TMPRSS7: variants seen among roughly 807,000 people sequenced by gnomAD.
TMPRSS7 encodes transmembrane serine protease 7, also known as transmembrane protease serine 7.
Under a neutral mutation model 95.6 loss-of-function variants are expected in TMPRSS7, and 81 were observed. The observed-to-expected ratio is 0.85, with a 90% CI of 0.71 to 1.02. The LOEUF (loss-of-function observed/expected upper bound fraction) is 1.02. Ranked by LOEUF, TMPRSS7 falls within the 50% of genes least tolerant of loss-of-function variation. The pLI is 0.00. For missense variants in TMPRSS7, 945 were observed against 955.2 expected, an observed-to-expected ratio of 0.99 and a Z score of 0.14; for synonymous variants, 364 against 337.8, an observed-to-expected ratio of 1.08 and a Z score of -0.85.
At chr3:112,053,248 C>T (rs961609438) in intron 9 of TMPRSS7, among the ~76,000 whole-genome samples, 68 of 151,462 alleles carry the variant, frequency 4.5e-4, no homozygotes, top group African/African-American at 1.5e-3. Context: ...AAGTTTTTTA[C>T]ACAAAAGTTA....
intron 11 of TMPRSS7, 90 bp from the exon 12 acceptor site, chr3:112,063,435 C>G (rs1210070560): frequency 2.1e-6 from 2 of 947,514 alleles, no homozygotes; most frequent in Non-Finnish European, 3.4e-6. Context: ...AACTCCCTAA[C>G]CACTTCACAC....
intron 14 of TMPRSS7, among the ~76,000 whole-genome samples, chr3:112,074,833 C>G (rs545918390): frequency 1.3e-5 from 2 of 152,206 alleles, no homozygotes; most frequent in African/African-American, 4.8e-5. Flanking sequence ...CATGTGGCTA[C>G]TACTTGGCCA....
intron 16 of TMPRSS7, among the ~76,000 whole-genome samples, chr3:112,077,724 C>T (rs80342712): frequency 3.9e-5 from 6 of 151,924 alleles, no homozygotes; most frequent in East Asian, 1.9e-4. Flanking sequence ...ATTTCTCTGA[C>T]GGGAGAGGAC....
chr3:112,047,924 A>C (rs1033695237), exon 7 of TMPRSS7: 54 of 1,613,922 alleles, frequency 3.3e-5, no homozygotes, highest in Non-Finnish European at 4.3e-5. Context: ...CTCCCTGACC[A>C]TTTACGACTC....
At position 112,075,351 on chromosome 3, in the gene TMPRSS7, G is replaced by A. The variant is rs142998665; in HGVS notation, c.1814G>A (p.Arg605His). The change falls in exon 15 of 18, where the codon CGC becomes CAC. Residue 605 changes from arginine (R) to histidine (H), a missense_variant. Physicochemically the swap from Arg to His is conservative, Grantham distance 29. Coordinates refer to ENST00000452346, the Ensembl canonical transcript of TMPRSS7. ...AGCAGGAGTTCCTCCGCCCTTCACC[G>A]CATCATCGGAGGCACAGACACCCTG... 145 of 1,455,022 alleles carry A rather than the reference G, an allele frequency of 1.0e-4. No homozygotes were observed. In the East Asian group the frequency reaches 2.8e-3, roughly 28 times the overall value. The allele number at this position is 1,455,022 out of a possible 1,614,324, so 90.1% of individuals were successfully genotyped here. A position where few individuals can be genotyped will look rare whatever the true frequency, so the allele number is the denominator to read the frequency against.
intron 9 of TMPRSS7, among the ~76,000 whole-genome samples, chr3:112,052,811 C>A (rs1301661043): frequency 1.3e-5 from 2 of 151,938 alleles, no homozygotes; most frequent in African/African-American, 4.8e-5. Flanking sequence ...CTTAATAATC[C>A]ATAGCCTTAA....
intron 9 of TMPRSS7, among the ~76,000 whole-genome samples, chr3:112,051,512 G>A (rs1040064905): frequency 2.1e-5 from 3 of 141,512 alleles, no homozygotes; most frequent in Non-Finnish European, 4.6e-5. Flanking sequence ...AAATGTATAC[G>A]AAATATCTAT....
chr3:112,065,543 G>A (rs186168194), intron 12 of TMPRSS7, among the ~76,000 whole-genome samples: 19 of 152,142 alleles, frequency 1.2e-4, no homozygotes, highest in Admixed American at 1.1e-3. Flanking sequence ...AATAAGGACT[G>A]TTTTTTGGTA....
At chr3:112,063,632 G>T in exon 12 of TMPRSS7, 1 of 1,612,892 alleles carries the variant, frequency 6.2e-7, no homozygotes, top group Non-Finnish European at 8.5e-7. Context: ...ACTGTTTTGC[G>T]GTGGGTATTC....
chr3:112,070,790 T>A (rs902274361), intron 13 of TMPRSS7, among the ~76,000 whole-genome samples: 2 of 152,156 alleles, frequency 1.3e-5, no homozygotes, highest in East Asian at 3.9e-4. Flanking sequence ...TTATTATTAT[T>A]ATTATACTTT....
At position 112,052,924 on chromosome 3, in the gene TMPRSS7, GA is replaced by G. The variant is rs61299463; in HGVS notation, c.1203+2154del. ...GGGGTTGGGGGTGAGAAATGCTGAA[GA>G]AAAAAAAAAAAAGTCTTTAGAAGGA... On this transcript the variant is annotated intron_variant, in intron 9 of 17. Transcript: ENST00000452346. 1.5e-3 allele frequency among the ~76,000 whole-genome samples: 213 copies of G among 139,050 alleles called. 2 individuals are homozygous for G. The highest frequency in any genetic ancestry group is 5.9e-3 in the East Asian group (28 of 4,756). 91.2% of individuals were successfully genotyped at this position (139,050 alleles called of 152,430 possible).
At chr3:112,079,243 T>C (rs994102257) in intron 17 of TMPRSS7, among the ~76,000 whole-genome samples, 1 of 152,220 alleles carries the variant, frequency 6.6e-6, no homozygotes, top group Non-Finnish European at 1.5e-5. Context: ...TTGAAGTATA[T>C]GCTGGTGGAA....
intron 13 of TMPRSS7, among the ~76,000 whole-genome samples, chr3:112,069,034 G>C (rs9872054): frequency 0.54 from 82,430 of 152,028 alleles, 22,891 homozygotes; most frequent in Admixed American, 0.62. Context: ...TAGCATGAAG[G>C]GCTGTTGAAT....
intron 13 of TMPRSS7, among the ~76,000 whole-genome samples, chr3:112,072,376 C>A (rs2107760758): frequency 6.6e-6 from 1 of 152,352 alleles, no homozygotes; most frequent in Non-Finnish European, 1.5e-5. Flanking sequence ...TATGAGGTGT[C>A]TCTTGGCCCC....
intron 4 of TMPRSS7, among the ~76,000 whole-genome samples, chr3:112,045,449 T>C (rs1361710878): frequency 6.6e-6 from 1 of 152,140 alleles, no homozygotes; most frequent in Admixed American, 6.5e-5. Context: ...TGCCCAGCCA[T>C]GGTTTTAAAT....
exon 1 of TMPRSS7, chr3:112,034,847 T>C (rs767718587): frequency 1.7e-5 from 12 of 702,794 alleles, no homozygotes; most frequent in Non-Finnish European, 2.9e-5. Context: ...CGCCTAATAA[T>C]GGACAAAGAA....
chr3:112,077,190 A>T, intron 16 of TMPRSS7, 46 bp downstream of exon 16: 2 of 1,594,810 alleles, frequency 1.3e-6, no homozygotes, highest in Non-Finnish European at 1.7e-6. Flanking sequence ...GCAGAGGATG[A>T]TAAGGTGTTT....
In TMPRSS7 at chr3:112,055,454, G is replaced by GACACAC. The variant is rs142185504; in HGVS notation, c.1204-1565_1204-1560dup. On this transcript the variant is annotated intron_variant, in intron 9 of 17. Transcript: ENST00000452346. ...TTGGAAACAAGCAAACACTTGCGCAGACACACACACAGACACACACACACA... is the reference window on the plus strand; with the variant it reads ...TTGGAAACAAGCAAACACTTGCGCAGACACACACACACACACAGACACACACACACA... 7.2e-3 allele frequency among the ~76,000 whole-genome samples: 1,068 copies of GACACAC among 148,936 alleles called. 9 individuals carry two copies. The highest frequency in any genetic ancestry group is 0.017 in the Middle Eastern group (5 of 290).
At chr3:112,080,721 AT>A (rs1410923937) in intron 17 of TMPRSS7, among the ~76,000 whole-genome samples, 192 bp from the exon 18 acceptor site, 2 of 152,196 alleles carry the variant, frequency 1.3e-5, no homozygotes, top group African/African-American at 4.8e-5. Flanking sequence ...CAGCTGTTTG[AT>A]TATAGGAAGA....
Sources: allele counts gnomAD v4.1 joint callset (sites outside exome capture counted in the v4.1 genomes callset), GRCh38; gene constraint gnomAD v4.1.1; transcripts MANE v1.5; gene names NCBI Gene and HGNC (gene_info 2026-07-23, HGNC 2026-07-21).